NFIB: variants seen among roughly 807,000 people sequenced by gnomAD.
The protein encoded by NFIB is nuclear factor I B.
NFIB carries 11 observed loss-of-function variants against 61.5 expected under a neutral mutation model. The ratio of observed to expected loss-of-function variants is 0.18; its 90% CI spans 0.11 to 0.30. The LOEUF is 0.30. Ranked by LOEUF, NFIB falls within the 10% of genes least tolerant of loss-of-function variation. The pLI, the probability that NFIB is intolerant of heterozygous loss-of-function variation, is 1.00. For missense variants in NFIB, 471 were observed against 608.9 expected (o/e 0.77, Z 2.38); for synonymous variants, 260 against 216.5 (o/e 1.20, Z -1.76).
rs143503034 is a variant in NFIB, at chr9:14,145,629, C to T, written c.925+1060G>A. Among the ~76,000 whole-genome samples, 260 of 150,738 alleles carry T rather than the reference C, an allele frequency of 1.7e-3. 2 individuals carry two copies. Among genetic ancestry groups the T allele is most frequent in the Middle Eastern group, 3.5e-3 (1 of 288 alleles). ...ACACACCCAAGTCCTGGGCTGAAAA[C>T]CATTATTCCTTTCTTTTAGACTTTT... On this transcript the variant is annotated intron_variant, in intron 6 of 10. Coordinates refer to ENST00000380953, the MANE Select transcript of NFIB (RefSeq NM_001190737.2).
At chr9:14,096,027 T>C (rs186244690) in intron 10 of NFIB, among the ~76,000 whole-genome samples, 33 of 152,178 alleles carry the variant, frequency 2.2e-4, no homozygotes, top group Admixed American at 2.2e-3. Context: ...TCATTCATAG[T>C]CTTTGTTATT....
At chr9:14,169,418 C>A (rs1260905926) in intron 3 of NFIB, among the ~76,000 whole-genome samples, 1 of 152,064 alleles carries the variant, frequency 6.6e-6, no homozygotes. Flanking sequence ...CCCTAAAGAG[C>A]AGAATGTAAG....
intron 2 of NFIB, among the ~76,000 whole-genome samples, chr9:14,288,640 T>C (rs747065168): frequency 1.1e-4 from 17 of 152,056 alleles, no homozygotes; most frequent in Non-Finnish European, 2.1e-4. Context: ...CAGGGTTCCC[T>C]CCCAGAAAGC....
chr9:14,221,895 C>T (rs1347440049), intron 2 of NFIB, among the ~76,000 whole-genome samples: 1 of 152,110 alleles, frequency 6.6e-6, no homozygotes. Context: ...CTTTCTGAAC[C>T]ACCATATCTC....
chr9:14,283,959 T>A (rs1406545580), intron 2 of NFIB, among the ~76,000 whole-genome samples: 1 of 152,202 alleles, frequency 6.6e-6, no homozygotes, highest in African/African-American at 2.4e-5. Flanking sequence ...CACATTATTA[T>A]AAAATGTAGC....
chr9:14,160,262 A>G (rs2043997015), intron 3 of NFIB, among the ~76,000 whole-genome samples: 1 of 152,198 alleles, frequency 6.6e-6, no homozygotes. Context: ...AAGTTAATAT[A>G]CTGTTTAACC....
chr9:14,359,001 C>T (rs12379369), intron 1 of NFIB, among the ~76,000 whole-genome samples: 8,528 of 152,198 alleles, frequency 0.056, 299 homozygotes, highest in South Asian at 0.14. Context: ...GTAGAAACAC[C>T]GGATAATGGC....
chr9:14,172,274 T>C (rs1342658214), intron 3 of NFIB, among the ~76,000 whole-genome samples: 2 of 152,084 alleles, frequency 1.3e-5, no homozygotes, highest in Non-Finnish European at 2.9e-5. Context: ...TTTGTCCAAA[T>C]GAGGAACAAA....
intron 2 of NFIB, among the ~76,000 whole-genome samples, chr9:14,229,219 C>G (rs558360326): frequency 1.7e-4 from 26 of 152,300 alleles, no homozygotes; most frequent in African/African-American, 6.3e-4. Context: ...GGTCGGAACT[C>G]AATGAATTCT....
rs769716941 is a variant in NFIB at position 14,083,217 on chromosome 9, C to T, written c.*5092G>A. The T allele has an allele frequency of 7.6e-5, 17 of 223,316 alleles. No individual in the cohort carries two copies. The highest frequency in any genetic ancestry group is 1.6e-4 in the African/African-American group (7 of 44,654). 13.8% of individuals were successfully genotyped at this position (223,316 alleles called of 1,614,324 possible). On this transcript the variant is annotated 3_prime_UTR_variant, in exon 11 of 11. Transcript: ENST00000380953. ...CAATGTGACCAACAGATCTGTGGCA[C>T]GGACACAGTACAAAGAGTTGTCATG... is the stretch of plus-strand genomic sequence containing the variant.
chr9:14,407,667 C>T, the NFIB span, among the ~76,000 whole-genome samples: 1 of 152,028 alleles, frequency 6.6e-6, no homozygotes, highest in African/African-American at 2.4e-5. Flanking sequence ...GTAAGTTTGT[C>T]TGCACCAAAA....
chr9:14,180,917 G>A (rs2046693070), intron 2 of NFIB: 1 of 152,262 alleles, frequency 6.6e-6, no homozygotes, highest in Middle Eastern at 3.4e-3. Context: ...AAATTTGATA[G>A]GTGGGGCACA....
In NFIB at chr9:14,082,936, C is replaced by G. The variant is rs1023910069; in HGVS notation, c.*5373G>C. ...ACTGCTTTTCATGTATTTAGGCCACCTGTTGTTCCTGGTACTGTATCATGC... is the reference window on the plus strand; with the variant it reads ...ACTGCTTTTCATGTATTTAGGCCACGTGTTGTTCCTGGTACTGTATCATGC... On this transcript the variant is annotated 3_prime_UTR_variant, in exon 11 of 11. Transcript: ENST00000380953. 5.3e-5 allele frequency: 11 copies of G among 207,654 alleles called. No individual in the cohort carries two copies. The East Asian group carries it at 6.6e-4, about 12-fold the overall frequency. The allele number at this position is 207,654 out of a possible 1,614,324, so 12.9% of individuals were successfully genotyped here. A position where few individuals can be genotyped will look rare whatever the true frequency, so the allele number is the denominator to read the frequency against.
chr9:14,299,813 G>A (rs1413400053), intron 2 of NFIB, among the ~76,000 whole-genome samples: 1 of 152,152 alleles, frequency 6.6e-6, no homozygotes, highest in Non-Finnish European at 1.5e-5. Context: ...ATATAGTTAT[G>A]CATGTAATCA....
the NFIB span, among the ~76,000 whole-genome samples, chr9:14,470,594 G>A: frequency 6.6e-6 from 1 of 152,142 alleles, no homozygotes; most frequent in Non-Finnish European, 1.5e-5. Flanking sequence ...GGCTGCTTAG[G>A]CAGCAGGGGC....
At chr9:14,110,067 CA>C (rs1252017195) in intron 10 of NFIB, among the ~76,000 whole-genome samples, 3 of 151,986 alleles carry the variant, frequency 2.0e-5, no homozygotes, top group African/African-American at 7.2e-5. Context: ...AGGTGAAGTA[CA>C]GGGTTCATTT....
At chr9:14,378,448 C>T (rs1468971926) in intron 1 of NFIB, among the ~76,000 whole-genome samples, 1 of 152,184 alleles carries the variant, frequency 6.6e-6, no homozygotes, top group African/African-American at 2.4e-5. Context: ...CCTCCGCCTC[C>T]CGGGTTCAAG....
chr9:14,454,678 T>C, the NFIB span, among the ~76,000 whole-genome samples: 3 of 152,236 alleles, frequency 2.0e-5, no homozygotes, highest in Non-Finnish European at 2.9e-5. Flanking sequence ...TTTCCATCAC[T>C]TTATTGCTGT....
At position 14,085,108 on chromosome 9, in the gene NFIB, A is replaced by G. The variant is rs1284212839; in HGVS notation, c.*3201T>C. On this transcript the variant is annotated 3_prime_UTR_variant, in exon 11 of 11. Transcript: ENST00000380953. ...GGGCGAGTATCACAGAAATGATTGG[A>G]CTTACTTTTGAACTTGCACTGCTAG... 4.4e-6 allele frequency: 1 copy of G among 229,416 alleles called. No homozygotes were observed. Among genetic ancestry groups the G allele is most frequent in the Non-Finnish European group, 8.6e-6 (1 of 115,748 alleles). 14.2% of individuals were successfully genotyped at this position (229,416 alleles called of 1,614,324 possible).
Sources: allele counts gnomAD v4.1 joint callset (sites outside exome capture counted in the v4.1 genomes callset), GRCh38; gene constraint gnomAD v4.1.1; transcripts MANE v1.5; gene names NCBI Gene and HGNC (gene_info 2026-07-23, HGNC 2026-07-21).